The following GABRG3 variants were observed in gnomAD, a reference collection of about 807,000 sequenced individuals.
GABRG3 encodes gamma-aminobutyric acid type A receptor subunit gamma3.
Under a neutral mutation model 48.8 loss-of-function variants are expected in GABRG3, and 25 were observed. The observed-to-expected ratio is 0.51, with a 90% CI of 0.37 to 0.72. The LOEUF is 0.72. GABRG3 is among the 30% of genes least tolerant of loss of function. The pLI is 0.00. For synonymous variants in GABRG3, 227 were observed against 217.6 expected, an observed-to-expected ratio of 1.04 and a Z score of -0.38; for missense variants, 394 against 577.9, an observed-to-expected ratio of 0.68 and a Z score of 3.26.
chr15:27,466,774 G>A (rs908492293), intron 5 of GABRG3, among the ~76,000 whole-genome samples: 1 of 152,204 alleles, frequency 6.6e-6, no homozygotes, highest in Non-Finnish European at 1.5e-5. Flanking sequence ...GGGTAAGCAT[G>A]GTGGCAGTGG....
At chr15:27,030,755 T>C (rs1261075972) in intron 3 of GABRG3, among the ~76,000 whole-genome samples, 2 of 152,140 alleles carry the variant, frequency 1.3e-5, no homozygotes, top group African/African-American at 2.4e-5. Flanking sequence ...GGAGAAGATA[T>C]TGACCTTCCT....
rs145982141 is a variant in GABRG3, at chr15:27,237,166, C to T, written c.271-89643C>T. Among the ~76,000 whole-genome samples, 3 of 152,230 alleles carry T rather than the reference C, an allele frequency of 2.0e-5. No individual in the cohort carries two copies. In the East Asian group the frequency reaches 5.8e-4, roughly 29 times the overall value. ...TGGCTGTGAGGGTGAGAGCCTCCTT[C>T]AGACATATTTATCACTTCTCTGGAA... is the stretch of plus-strand genomic sequence containing the variant. On this transcript the variant is annotated intron_variant, in intron 3 of 9. Transcript: ENST00000615808.
intron 3 of GABRG3, among the ~76,000 whole-genome samples, chr15:27,131,003 C>A (rs993434509): frequency 2.6e-5 from 4 of 151,976 alleles, no homozygotes; most frequent in Non-Finnish European, 5.9e-5. Flanking sequence ...TTACATCTTC[C>A]TTTCCAATTT....
intron 2 of GABRG3, among the ~76,000 whole-genome samples, chr15:27,009,079 C>T (rs1281876136): frequency 1.3e-5 from 2 of 152,138 alleles, no homozygotes; most frequent in African/African-American, 4.8e-5. Context: ...ACTCTGCTCA[C>T]GGTGCCGTCT....
At chr15:27,056,804 T>A (rs975118521) in intron 3 of GABRG3, among the ~76,000 whole-genome samples, 5 of 152,256 alleles carry the variant, frequency 3.3e-5, no homozygotes, top group Non-Finnish European at 5.9e-5. Context: ...GTTTGTAGGG[T>A]AGCTTTTTAA....
intron 5 of GABRG3, among the ~76,000 whole-genome samples, chr15:27,375,926 A>T (rs1224377479): frequency 6.6e-6 from 1 of 152,192 alleles, no homozygotes; most frequent in African/African-American, 2.4e-5. Context: ...GCATTAACTC[A>T]AAAGTCCACA....
chr15:27,171,280 A>T (rs1887558599), intron 3 of GABRG3, among the ~76,000 whole-genome samples: 1 of 152,190 alleles, frequency 6.6e-6, no homozygotes, highest in Non-Finnish European at 1.5e-5. Flanking sequence ...TCTGCATCAA[A>T]TTTTTAATCA....
chr15:27,170,391 C>T (rs996212561), intron 3 of GABRG3, among the ~76,000 whole-genome samples: 1 of 152,008 alleles, frequency 6.6e-6, no homozygotes, highest in African/African-American at 2.4e-5. Context: ...TGTATATATA[C>T]ATGTGTGTGC....
At chr15:27,470,729 T>A (rs747640171) in intron 5 of GABRG3, among the ~76,000 whole-genome samples, 1 of 152,150 alleles carries the variant, frequency 6.6e-6, no homozygotes, top group Non-Finnish European at 1.5e-5. Flanking sequence ...CCATTTTTAC[T>A]TTTCTTATAG....
intron 5 of GABRG3, among the ~76,000 whole-genome samples, chr15:27,331,772 GGAT>G (rs1320252168): frequency 6.6e-6 from 1 of 152,190 alleles, no homozygotes; most frequent in Non-Finnish European, 1.5e-5. Flanking sequence ...CTCTGGTGGG[GGAT>G]GTTGACAGTT....
intron 3 of GABRG3, among the ~76,000 whole-genome samples, chr15:27,249,536 T>C (rs1326304316): frequency 6.6e-6 from 1 of 152,218 alleles, no homozygotes; most frequent in Admixed American, 6.5e-5. Flanking sequence ...CGACATCTGC[T>C]TCATAAGGTT....
rs771633661 is a variant in GABRG3 at position 26,976,960 on chromosome 15, T to C, written c.54-42T>C. ...CAAACTTAGGCTCTTCCTAGAGCCA[T>C]TGCTGCCACTTATATGTCGCATTTT... is the stretch of plus-strand genomic sequence containing the variant. On this transcript the variant is annotated intron_variant, in intron 1 of 9. Coordinates refer to ENST00000615808, the MANE Select transcript of GABRG3 (RefSeq NM_033223.5). This position sits in a 1 kb window ranked among gnomAD's most constrained non-coding sequence, Gnocchi z 7.8. The C allele has an allele frequency of 1.8e-5, 29 of 1,612,190 alleles. No individual in the cohort carries two copies. In the South Asian group the frequency reaches 3.2e-4, roughly 18 times the overall value.
intron 5 of GABRG3, among the ~76,000 whole-genome samples, chr15:27,359,396 A>G (rs1365638554): frequency 6.6e-6 from 1 of 152,234 alleles, no homozygotes; most frequent in East Asian, 1.9e-4. Context: ...GATTTTATTC[A>G]GATTTTAGTA....
intron 6 of GABRG3, among the ~76,000 whole-genome samples, chr15:27,481,837 G>A (rs567083118): frequency 3.7e-4 from 56 of 152,216 alleles, no homozygotes; most frequent in East Asian, 1.4e-3. Flanking sequence ...AAAGGGAAAC[G>A]TTTTGGGATG....
At chr15:27,261,563 G>C (rs1384234808) in intron 3 of GABRG3, among the ~76,000 whole-genome samples, 1 of 149,942 alleles carries the variant, frequency 6.7e-6, no homozygotes, top group Non-Finnish European at 1.5e-5. Flanking sequence ...TTTAATATAT[G>C]TGTATGTAAT....
chr15:27,339,227 A>T (rs980295540), intron 5 of GABRG3, among the ~76,000 whole-genome samples: 4 of 152,244 alleles, frequency 2.6e-5, no homozygotes, highest in African/African-American at 9.6e-5. Flanking sequence ...CCACCTTCCC[A>T]GGTGAGGGCG....
intron 3 of GABRG3, among the ~76,000 whole-genome samples, chr15:27,145,429 A>T (rs571928361): frequency 6.6e-6 from 1 of 152,176 alleles, no homozygotes; most frequent in African/African-American, 2.4e-5. Context: ...AAGGTACTCA[A>T]CAGCAGATGT....
chr15:27,439,044 C>A (rs2140630422), intron 5 of GABRG3, among the ~76,000 whole-genome samples: 1 of 152,200 alleles, frequency 6.6e-6, no homozygotes, highest in East Asian at 1.9e-4. Flanking sequence ...GGAAAGAGGC[C>A]AACAGGAAAA....
chr15:27,519,812 T>G (rs1379804351), intron 6 of GABRG3, among the ~76,000 whole-genome samples, 160 bp from the exon 7 acceptor site: 1 of 152,206 alleles, frequency 6.6e-6, no homozygotes, highest in East Asian at 1.9e-4. Flanking sequence ...AAAATTAAGT[T>G]TAAGAAAACC....
Sources: allele counts gnomAD v4.1 joint callset (sites outside exome capture counted in the v4.1 genomes callset), GRCh38; gene constraint gnomAD v4.1.1; non-coding constraint Gnocchi (gnomAD v3.1); transcripts MANE v1.5; gene names NCBI Gene and HGNC (gene_info 2026-07-23, HGNC 2026-07-21).